Variants in SLC41A2 observed in about 807,000 individuals in gnomAD.
SLC41A2 encodes the protein SLC41A1-like 1.
A neutral mutation model predicts 58.3 loss-of-function variants in SLC41A2; 32 were observed. That is an observed-to-expected ratio of 0.55 (90% CI 0.41 to 0.74). The LOEUF is 0.74. Ranked by LOEUF, SLC41A2 falls within the 30% of genes least tolerant of loss-of-function variation. The probability of loss-of-function intolerance (pLI) is 0.00; values close to 1 mark genes in which losing one functional copy is unlikely to be tolerated. For synonymous variants in SLC41A2, 190 were observed against 235.0 expected (o/e 0.81, Z 1.75); for missense variants, 514 against 680.6 (o/e 0.76, Z 2.72).
At chr12:104,823,981 C>G (rs1053537569) in intron 10 of SLC41A2, among the ~76,000 whole-genome samples, 1 of 152,030 alleles carries the variant, frequency 6.6e-6, no homozygotes, top group Non-Finnish European at 1.5e-5. Context: ...CTATAGTAAC[C>G]ATTTTACTAT....
intron 8 of SLC41A2, among the ~76,000 whole-genome samples, chr12:104,848,447 G>A (rs1005727897): frequency 6.6e-6 from 1 of 151,220 alleles, no homozygotes; most frequent in Non-Finnish European, 1.5e-5. Context: ...CATAAAGAGG[G>A]AATAAAATAA....
chr12:104,913,745 C>A (rs1213917204), intron 2 of SLC41A2, among the ~76,000 whole-genome samples: 1 of 152,184 alleles, frequency 6.6e-6, no homozygotes, highest in Non-Finnish European at 1.5e-5. Flanking sequence ...AAATATAAAG[C>A]TCTCCTTTCC....
intron 3 of SLC41A2, among the ~76,000 whole-genome samples, chr12:104,897,144 C>CTTTTTT (rs71440558): frequency 2.1e-4 from 25 of 120,290 alleles, no homozygotes; most frequent in Non-Finnish European, 3.3e-4. Context: ...TTTCTTTTTT[C>CTTTTTT]TTTTTTTTTT....
Position 104,916,033 on chromosome 12 carries a change from G to C in SLC41A2, c.556-6271C>G, listed in dbSNP as rs553247253. 5.9e-3 allele frequency among the ~76,000 whole-genome samples: 900 copies of C among 152,136 alleles called. 17 individuals carry two copies. Among genetic ancestry groups the C allele is most frequent in the African/African-American group, 0.02 (847 of 41,478 alleles). On this transcript the variant is annotated intron_variant, in intron 2 of 10. Transcript: ENST00000258538. ...TCTGCATCTATTGAGATAATCATGT[G>C]GTTTTTGTCTTTGGTTCTGTTTATA...
intron 10 of SLC41A2, among the ~76,000 whole-genome samples, chr12:104,831,060 CTTTCT>C (rs993940889): frequency 3.3e-5 from 5 of 152,160 alleles, no homozygotes; most frequent in African/African-American, 1.2e-4. Flanking sequence ...TGAAGCTTTA[CTTTCT>C]TTTCTTTTCA....
intron 6 of SLC41A2, 129 bp downstream of exon 6, chr12:104,886,164 T>TAAGG: frequency 1.1e-6 from 1 of 903,146 alleles, no homozygotes; most frequent in Non-Finnish European, 1.6e-6. Flanking sequence ...AAATGATAGT[T>TAAGG]ATCCTAATCA....
chr12:104,926,008 T>A (rs766884496), intron 2 of SLC41A2, among the ~76,000 whole-genome samples: 21 of 152,228 alleles, frequency 1.4e-4, no homozygotes, highest in Admixed American at 1.2e-3. Context: ...GTTCCTCTCA[T>A]ATCCTTTCTC....
intron 10 of SLC41A2, among the ~76,000 whole-genome samples, chr12:104,820,837 G>T (rs886466292): frequency 6.6e-6 from 1 of 152,084 alleles, no homozygotes; most frequent in African/African-American, 2.4e-5. Context: ...TTGAGACGGG[G>T]TTTCATCATG....
At chr12:104,894,674 G>C (rs1471142248) in intron 4 of SLC41A2, among the ~76,000 whole-genome samples, 1 of 152,182 alleles carries the variant, frequency 6.6e-6, no homozygotes, top group Non-Finnish European at 1.5e-5. Flanking sequence ...ACACTAGCTA[G>C]AGAATTACTA....
At position 104,804,839 on chromosome 12, in the gene SLC41A2, G is replaced by A. The variant is rs2040834387; in HGVS notation, c.*313C>T. ...AAATTTAATAATAAAGTACATTTCT[G>A]CTATGTTTGTGGTTTTAAAATTATT... On this transcript the variant is annotated 3_prime_UTR_variant, in exon 11 of 11. Coordinates refer to ENST00000258538, the MANE Select transcript of SLC41A2 (RefSeq NM_001352171.3). 5.7e-6 allele frequency: 1 copy of A among 176,544 alleles called. No individual in the cohort carries two copies. Among genetic ancestry groups the A allele is most frequent in the Admixed American group, 6.1e-5 (1 of 16,458 alleles). The allele number at this position is 176,544 out of a possible 1,614,324, so 10.9% of individuals were successfully genotyped here. A position where few individuals can be genotyped will look rare whatever the true frequency, so the allele number is the denominator to read the frequency against.
At chr12:104,843,252 G>A (rs1441743291) in intron 10 of SLC41A2, among the ~76,000 whole-genome samples, 1 of 151,650 alleles carries the variant, frequency 6.6e-6, no homozygotes, top group African/African-American at 2.4e-5. Context: ...CTTGAGCACA[G>A]AGTCTGAACT....
intron 2 of SLC41A2, among the ~76,000 whole-genome samples, chr12:104,912,860 T>C (rs920577094): frequency 6.6e-6 from 1 of 152,192 alleles, no homozygotes; most frequent in African/African-American, 2.4e-5. Context: ...AGAACACTAA[T>C]TCTGCATCAG....
chr12:104,919,681 T>C (rs1282010594), intron 2 of SLC41A2, among the ~76,000 whole-genome samples: 1 of 152,222 alleles, frequency 6.6e-6, no homozygotes, highest in Non-Finnish European at 1.5e-5. Context: ...GCCAATTTTC[T>C]AATTTTTTTT....
At chr12:104,830,227 T>C (rs1042097662) in intron 10 of SLC41A2, among the ~76,000 whole-genome samples, 1 of 152,208 alleles carries the variant, frequency 6.6e-6, no homozygotes, top group Non-Finnish European at 1.5e-5. Context: ...TCTATATCCA[T>C]GGAGATTGAT....
At chr12:104,940,516 A>T (rs554670156) in intron 1 of SLC41A2, among the ~76,000 whole-genome samples, 1 of 114,632 alleles carries the variant, frequency 8.7e-6, no homozygotes, top group African/African-American at 4.0e-5. Flanking sequence ...AAAAAATAAA[A>T]AAATAAAATA....
chr12:104,821,347 A>T (rs1343487166), intron 10 of SLC41A2, among the ~76,000 whole-genome samples: 1 of 152,220 alleles, frequency 6.6e-6, no homozygotes, highest in Non-Finnish European at 1.5e-5. Context: ...GATCTTCTTT[A>T]CAAAATAAAC....
intron 2 of SLC41A2, among the ~76,000 whole-genome samples, chr12:104,924,603 G>C (rs925503575): frequency 3.9e-5 from 6 of 152,138 alleles, no homozygotes; most frequent in Non-Finnish European, 5.9e-5. Flanking sequence ...AATTAGCCAG[G>C]TGTGGTGGCA....
intron 6 of SLC41A2, among the ~76,000 whole-genome samples, chr12:104,878,035 TTAAA>T (rs1029461855): frequency 4.0e-5 from 6 of 151,804 alleles, no homozygotes; most frequent in Non-Finnish European, 8.8e-5. Context: ...AATTAATTAA[TTAAA>T]TAAAATTGTA....
intron 8 of SLC41A2, among the ~76,000 whole-genome samples, chr12:104,860,581 T>C (rs2136419866): frequency 6.6e-6 from 1 of 151,876 alleles, no homozygotes; most frequent in Non-Finnish European, 1.5e-5. Flanking sequence ...GACCAATAGA[T>C]TTTTTTCTTT....
Sources: gnomAD v4.1 joint callset for allele counts (sites outside exome capture counted in the v4.1 genomes callset) on GRCh38, gnomAD v4.1.1 for gene constraint, MANE v1.5 for transcripts, NCBI Gene and HGNC (gene_info 2026-07-23, HGNC 2026-07-21) for gene names.